The following DIS3L2 variants were observed in gnomAD, a reference collection of about 807,000 sequenced individuals.
DIS3L2 encodes the protein DIS3 like 3'-5' exoribonuclease 2, also known as DIS3-like exonuclease 2.
A neutral mutation model predicts 97.5 loss-of-function variants in DIS3L2; 34 were observed. The observed-to-expected ratio is 0.35, with a 90% CI of 0.27 to 0.46. DIS3L2 has a LOEUF of 0.46. Ranked by LOEUF, DIS3L2 falls within the 20% of genes least tolerant of loss-of-function variation. The pLI is 1.00. For synonymous variants in DIS3L2, 435 were observed against 445.2 expected, an observed-to-expected ratio of 0.98 and a Z score of 0.29; for missense variants, 1,038 against 1,146.0, an observed-to-expected ratio of 0.91 and a Z score of 1.36.
chr2:232,084,653 C>T (rs1195604423), intron 5 of DIS3L2, among the ~76,000 whole-genome samples: 1 of 152,042 alleles, frequency 6.6e-6, no homozygotes, highest in African/African-American at 2.4e-5. Flanking sequence ...TTTCTAACTT[C>T]CCATTGACAG....
chr2:232,163,200 G>C (rs1690704757), intron 8 of DIS3L2, among the ~76,000 whole-genome samples: 1 of 152,058 alleles, frequency 6.6e-6, no homozygotes. Flanking sequence ...CCTAAGGAAA[G>C]CCTTCTGGCT....
At chr2:232,285,797 A>G (rs957715804) in intron 13 of DIS3L2, among the ~76,000 whole-genome samples, 1 of 152,310 alleles carries the variant, frequency 6.6e-6, no homozygotes, top group Non-Finnish European at 1.5e-5. Flanking sequence ...CTCTGGTTGC[A>G]TGTGGAACCT....
In DIS3L2 at chr2:232,293,750, G is replaced by A. The variant is rs552320551; in HGVS notation, c.1660-6290G>A. Reference sequence around the variant, plus strand: ...TTCATGTGAACAACCAACCTTCAGCGAGCCTGGGCTGTGTTGAATTCACTT... The same window carrying A: ...TTCATGTGAACAACCAACCTTCAGCAAGCCTGGGCTGTGTTGAATTCACTT... On this transcript the variant is annotated intron_variant, in intron 13 of 20. Transcript: ENST00000325385. The surrounding 1 kb of genome is among the most constrained non-coding windows in gnomAD (Gnocchi z 4.6). 3.9e-5 allele frequency among the ~76,000 whole-genome samples: 6 copies of A among 152,186 alleles called. No homozygotes were observed. Among genetic ancestry groups the A allele is most frequent in the African/African-American group, 1.2e-4 (5 of 41,448 alleles).
At chr2:232,142,318 G>A (rs1690083236) in intron 8 of DIS3L2, among the ~76,000 whole-genome samples, 1 of 152,148 alleles carries the variant, frequency 6.6e-6, no homozygotes. Context: ...CCTGGTCAAG[G>A]CAGAGCAAAA....
At chr2:232,246,825 CATTT>C (rs1459197992) in intron 11 of DIS3L2, among the ~76,000 whole-genome samples, 1 of 152,276 alleles carries the variant, frequency 6.6e-6, no homozygotes, top group Admixed American at 6.5e-5. Flanking sequence ...AATTAGCATT[CATTT>C]ATTTCATATT....
At chr2:232,142,047 A>G (rs1290129778) in intron 8 of DIS3L2, among the ~76,000 whole-genome samples, 1 of 152,190 alleles carries the variant, frequency 6.6e-6, no homozygotes, top group African/African-American at 2.4e-5. Flanking sequence ...TCCCTTTGCA[A>G]AAGGAATATT....
intron 16 of DIS3L2, 21 bp from the exon 17 acceptor site, chr2:232,333,819 C>T: frequency 6.2e-7 from 1 of 1,600,578 alleles, no homozygotes; most frequent in Non-Finnish European, 8.5e-7. Context: ...TTGTCAGGCT[C>T]TGACCCATCC....
intron 9 of DIS3L2, among the ~76,000 whole-genome samples, chr2:232,188,270 G>A (rs888046711): frequency 6.6e-6 from 1 of 151,990 alleles, no homozygotes; most frequent in East Asian, 1.9e-4. Context: ...TCTTTTCTTG[G>A]GTAATGAAAA....
At position 232,281,489 on chromosome 2, in the gene DIS3L2, T is replaced by G. The variant is rs1694283870; in HGVS notation, c.1659+18049T>G. ...TATAGGAGTTGTGGGATGGGACCTC[T>G]TTTTTAGAAAGATCTCTTTGGCAGC... On this transcript the variant is annotated intron_variant, in intron 13 of 20. Coordinates refer to ENST00000325385, the MANE Select transcript of DIS3L2 (RefSeq NM_152383.5). The surrounding 1 kb of genome is among the most constrained non-coding windows in gnomAD (Gnocchi z 4.1). Among the ~76,000 whole-genome samples, 1 of 152,218 alleles carries G rather than the reference T, an allele frequency of 6.6e-6. No homozygotes were observed. The highest frequency in any genetic ancestry group is 2.1e-4 in the South Asian group (1 of 4,830).
At chr2:231,975,453 A>T (rs1048134092) in intron 1 of DIS3L2, among the ~76,000 whole-genome samples, 1 of 152,096 alleles carries the variant, frequency 6.6e-6, no homozygotes, top group Non-Finnish European at 1.5e-5. Context: ...CTGTAATCCC[A>T]GCACTTTGGG....
intron 8 of DIS3L2, among the ~76,000 whole-genome samples, chr2:232,148,333 C>T (rs1478856169): frequency 6.6e-6 from 1 of 152,074 alleles, no homozygotes; most frequent in Non-Finnish European, 1.5e-5. Context: ...CTGTGTGAGC[C>T]ACCGCACCCG....
intron 17 of DIS3L2, 115 bp downstream of exon 17, chr2:232,334,102 T>C: frequency 6.9e-7 from 1 of 1,454,232 alleles, no homozygotes; most frequent in Non-Finnish European, 9.1e-7. Flanking sequence ...GGTCCAAGGG[T>C]CGGGCGACCC....
intron 5 of DIS3L2, among the ~76,000 whole-genome samples, chr2:232,042,820 T>A (rs971575291): frequency 6.6e-6 from 1 of 152,252 alleles, no homozygotes; most frequent in African/African-American, 2.4e-5. Context: ...CCCATGGAGA[T>A]GTTTTGGTGA....
intron 6 of DIS3L2, among the ~76,000 whole-genome samples, chr2:232,118,295 C>T (rs1329856190): frequency 6.6e-6 from 1 of 152,128 alleles, no homozygotes; most frequent in Admixed American, 6.5e-5. Flanking sequence ...TAGGGGTGAT[C>T]ATACAGGGCA....
At chr2:232,314,437 G>A (rs77226466) in intron 14 of DIS3L2, among the ~76,000 whole-genome samples, 6,711 of 151,564 alleles carry the variant, frequency 0.044, 199 homozygotes, top group African/African-American at 0.078. Context: ...AGCAGGCCCC[G>A]GAGGCCTCAG....
intron 9 of DIS3L2, among the ~76,000 whole-genome samples, chr2:232,203,958 C>T (rs921384425): frequency 3.9e-5 from 6 of 152,006 alleles, no homozygotes; most frequent in African/African-American, 9.7e-5. Flanking sequence ...AGGGACATAG[C>T]GGGAGCATGC....
At chr2:232,214,201 G>C (rs954363149) in intron 10 of DIS3L2, among the ~76,000 whole-genome samples, 5 of 152,180 alleles carry the variant, frequency 3.3e-5, no homozygotes, top group Non-Finnish European at 5.9e-5. Context: ...CCTCACAGCT[G>C]ACCTCAACGC....
At chr2:232,289,069 G>T (rs757193003) in intron 13 of DIS3L2, among the ~76,000 whole-genome samples, 6 of 151,944 alleles carry the variant, frequency 3.9e-5, no homozygotes, top group African/African-American at 1.2e-4. Context: ...TTGGTGGCGT[G>T]GGGGAGGGAG....
At position 232,294,454 on chromosome 2, in the gene DIS3L2, C is replaced by T. The variant is rs1694676411; in HGVS notation, c.1660-5586C>T. On this transcript the variant is annotated intron_variant, in intron 13 of 20. Transcript: ENST00000325385. ...TTGTACATGGTAAGCACCTACACAC[C>T]AGTAGGGACATACTTTGTGGAAACA... is the stretch of plus-strand genomic sequence containing the variant. Among the ~76,000 whole-genome samples the T allele has an allele frequency of 2.0e-5, 3 of 152,304 alleles. No individual in the cohort carries two copies. In the South Asian group the frequency reaches 6.2e-4, roughly 32 times the overall value.
Sources: gnomAD v4.1 joint callset for allele counts (sites outside exome capture counted in the v4.1 genomes callset) on GRCh38, gnomAD v4.1.1 for gene constraint, Gnocchi (gnomAD v3.1) non-coding constraint, MANE v1.5 for transcripts, NCBI Gene and HGNC (gene_info 2026-07-23, HGNC 2026-07-21) for gene names.